Variants in GCNT1 observed in about 807,000 individuals in gnomAD.
GCNT1 encodes glucosaminyl (N-acetyl) transferase 1.
A neutral mutation model predicts 26.2 loss-of-function variants in GCNT1; 16 were observed. The observed-to-expected ratio is 0.61, with a 90% confidence interval of 0.41 to 0.93. The LOEUF (loss-of-function observed/expected upper bound fraction) is 0.93. Among genes scored for constraint, GCNT1 ranks in the 40% least tolerant of loss-of-function variants. GCNT1 has a pLI of 0.00. For synonymous variants in GCNT1, 183 were observed against 190.8 expected (o/e 0.96, Z 0.34); for missense variants, 477 against 526.7 (o/e 0.91, Z 0.92).
intron 2 of GCNT1, among the ~76,000 whole-genome samples, chr9:76,484,440 C>T (rs915771371): frequency 6.6e-6 from 1 of 151,374 alleles, no homozygotes; most frequent in Non-Finnish European, 1.5e-5. Context: ...ATGATAAGCC[C>T]TTTATTTTAA....
At chr9:76,424,535 C>A (rs112538950) in intron 1 of GCNT1, among the ~76,000 whole-genome samples, 2 of 152,292 alleles carry the variant, frequency 1.3e-5, no homozygotes, top group African/African-American at 4.8e-5. Flanking sequence ...AAGGCTGGAT[C>A]TTGGAGTAGC....
In GCNT1 at chr9:76,502,696, G is replaced by A. The variant is rs757192107; in HGVS notation, c.315G>A (p.Lys105=). Reference sequence around the variant, plus strand: ...CCAGTGACTGTTCTTCTTTCATCAAGAGACGCAAATATATTGTAGAACCCC... The same window carrying A: ...CCAGTGACTGTTCTTCTTTCATCAAAAGACGCAAATATATTGTAGAACCCC... The part of the protein sequence containing the change: ...NMTSDCSSFI[K]RRKYIVEPLS... Residue 105 remains lysine (K), a synonymous_variant, in exon 4 of 4, where the codon AAG becomes AAA. Coordinates refer to ENST00000376730, the MANE Select transcript of GCNT1 (RefSeq NM_001490.5). 28 of 1,613,986 alleles carry A rather than the reference G, an allele frequency of 1.7e-5. No individual in the cohort carries two copies. The Middle Eastern group carries it at 4.9e-4, about 28-fold the overall frequency.
At chr9:76,500,140 A>AT (rs5898481) in intron 2 of GCNT1, among the ~76,000 whole-genome samples, 32,318 of 149,724 alleles carry the variant, frequency 0.22, 3,628 homozygotes, top group South Asian at 0.26. Flanking sequence ...ATGCCTTGTA[A>AT]TTTTTTTTTT....
intron 2 of GCNT1, among the ~76,000 whole-genome samples, chr9:76,498,118 A>G (rs72747380): frequency 9.9e-5 from 15 of 152,122 alleles, no homozygotes; most frequent in Admixed American, 3.9e-4. Context: ...TTTCTAGATT[A>G]TTTATCTACA....
intron 1 of GCNT1, among the ~76,000 whole-genome samples, chr9:76,430,391 A>T (rs7047094): frequency 0.34 from 51,044 of 150,024 alleles, 9,050 homozygotes; most frequent in Middle Eastern, 0.4. Flanking sequence ...CAGAACACTC[A>T]TTTTTTTTTT....
the GCNT1 span, among the ~76,000 whole-genome samples, chr9:76,401,597 CT>C: frequency 2.5e-3 from 373 of 152,234 alleles, 18 homozygotes; most frequent in East Asian, 0.058. Flanking sequence ...AAGGGACCCC[CT>C]GTAACAAAAA....
chr9:76,448,252 G>T (rs1003542800), intron 1 of GCNT1, among the ~76,000 whole-genome samples: 41 of 152,314 alleles, frequency 2.7e-4, no homozygotes, highest in African/African-American at 9.4e-4. Context: ...AGGAGTTTGA[G>T]ACCAGCCTGG....
At chr9:76,394,065 G>C in the GCNT1 span, 3 of 1,571,516 alleles carry the variant, frequency 1.9e-6, no homozygotes, top group East Asian at 2.3e-5. Flanking sequence ...CCCGGCCCGG[G>C]GGACTCTGGC....
chr9:76,443,894 A>AAAGGAAGAAAGGAAGAAAGG lies in GCNT1; in HGVS notation c.-290+1582_-290+1583insGAAGAAAGGAAGAAAGGAAG, dbSNP rs1554731372. Reference sequence around the variant, plus strand: ...AAAAAAAGGAAAGAAAGAAAGAAAGAAAGAAAGGAAGAAAGGAAGAAAGGA... The same window carrying AAAGGAAGAAAGGAAGAAAGG: ...AAAAAAAGGAAAGAAAGAAAGAAAGAAAGGAAGAAAGGAAGAAAGGAAGAAAGGAAGAAAGGAAGAAAGGA... On this transcript the variant is annotated intron_variant, in intron 1 of 2. Coordinates refer to the GCNT1 transcript ENST00000442371. 4.2e-3 allele frequency among the ~76,000 whole-genome samples: 529 copies of AAAGGAAGAAAGGAAGAAAGG among 126,072 alleles called. 1 individual carries two copies. Among genetic ancestry groups the AAAGGAAGAAAGGAAGAAAGG allele is most frequent in the African/African-American group, 0.01 (309 of 30,062 alleles). 82.7% of individuals were successfully genotyped at this position (126,072 alleles called of 152,430 possible).
intron 2 of GCNT1, among the ~76,000 whole-genome samples, chr9:76,469,884 T>C (rs1051143645): frequency 6.6e-6 from 1 of 152,148 alleles, no homozygotes; most frequent in Non-Finnish European, 1.5e-5. Flanking sequence ...TTCCTTGGAA[T>C]CTGTGAGGCC....
intron 2 of GCNT1, among the ~76,000 whole-genome samples, chr9:76,474,823 GA>G (rs1473873577): frequency 1.3e-5 from 2 of 152,256 alleles, no homozygotes; most frequent in East Asian, 3.8e-4. Context: ...AAACATTTCA[GA>G]AGTGTTTGAA....
At chr9:76,466,238 A>G (rs1274854104) in intron 2 of GCNT1, among the ~76,000 whole-genome samples, 1 of 152,216 alleles carries the variant, frequency 6.6e-6, no homozygotes, top group African/African-American at 2.4e-5. Flanking sequence ...TGAGGGGTCT[A>G]TGATGTTTTG....
At chr9:76,476,716 A>G (rs1439222511) in intron 2 of GCNT1, among the ~76,000 whole-genome samples, 1 of 152,220 alleles carries the variant, frequency 6.6e-6, no homozygotes, top group African/African-American at 2.4e-5. Flanking sequence ...AAATTGGGGT[A>G]ACAGTAAATG....
chr9:76,398,553 A>G, the GCNT1 span: 1 of 640,154 alleles, frequency 1.6e-6, no homozygotes, highest in Non-Finnish European at 2.8e-6. Flanking sequence ...TTATCCAGAA[A>G]TTGTGCTCAC....
At chr9:76,417,438 AAGAATTATTT>A (rs1324693932), upstream of GCNT1, among the ~76,000 whole-genome samples, 1 of 152,222 alleles carries the variant, frequency 6.6e-6, no homozygotes, top group East Asian at 1.9e-4. Flanking sequence ...TGAACAGAAC[AAGAATTATTT>A]ATACATGCAC....
chr9:76,458,493 TAAACAACATGG>T (rs1349894136), upstream of GCNT1, among the ~76,000 whole-genome samples: 1 of 149,282 alleles, frequency 6.7e-6, no homozygotes. Context: ...GAATTTTTTT[TAAACAACATGG>T]AAACAAATAA....
At chr9:76,484,440 CTTTAT>C (rs1451988051) in intron 2 of GCNT1, among the ~76,000 whole-genome samples, 2 of 151,374 alleles carry the variant, frequency 1.3e-5, no homozygotes, top group Non-Finnish European at 2.9e-5. Flanking sequence ...ATGATAAGCC[CTTTAT>C]TTTAACATAA....
At chr9:76,488,559 A>T (rs1208817215) in intron 2 of GCNT1, among the ~76,000 whole-genome samples, 1 of 152,154 alleles carries the variant, frequency 6.6e-6, no homozygotes, top group African/African-American at 2.4e-5. Context: ...GTCTCCGCTC[A>T]CTACAACCTC....
upstream of GCNT1, among the ~76,000 whole-genome samples, chr9:76,457,352 G>A (rs12000769): frequency 8.5e-3 from 1,298 of 152,268 alleles, 17 homozygotes; most frequent in African/African-American, 0.029. Flanking sequence ...GGGTTCAAGC[G>A]ATTCTCATGC....
Sources: gnomAD v4.1 joint callset for allele counts (sites outside exome capture counted in the v4.1 genomes callset) on GRCh38, gnomAD v4.1.1 for gene constraint, MANE v1.5 for transcripts, NCBI Gene and HGNC (gene_info 2026-07-23, HGNC 2026-07-21) for gene names.